The following AFF3 variants were observed in gnomAD, a reference collection of about 807,000 sequenced individuals.
AFF3 encodes AF4/FMR2 family member 3.
In AFF3, 32 loss-of-function variants were observed where a neutral mutation model predicts 129.7. That is an observed-to-expected ratio of 0.25 (90% CI 0.19 to 0.33). AFF3 has a LOEUF of 0.33. Ranked by LOEUF, AFF3 falls within the 10% of genes least tolerant of loss-of-function variation. AFF3 has a pLI of 1.00. For missense variants in AFF3, 1,373 were observed against 1,592.0 expected (o/e 0.86, Z 2.34); for synonymous variants, 644 against 635.4 (o/e 1.01, Z -0.20).
At chr2:99,841,957 G>A (rs569318340) in intron 7 of AFF3, among the ~76,000 whole-genome samples, 1 of 152,186 alleles carries the variant, frequency 6.6e-6, no homozygotes, top group African/African-American at 2.4e-5. Flanking sequence ...CCTTTTCCAC[G>A]TGGCACATTA....
At position 99,947,593 on chromosome 2, in the gene AFF3, AAGAAAGAAAGATAGAT is replaced by A. The variant is rs1302366329; in HGVS notation, c.873+59023_873+59038del. On this transcript the variant is annotated intron_variant, in intron 7 of 24. Transcript: ENST00000672756. ...AGAAAGAAAAGAAAAGAAAGAAAGA[AAGAAAGAAAGATAGAT>A]AGATAGATAGATAGATAGATAGATA... Among the ~76,000 whole-genome samples the A allele has an allele frequency of 1.6e-3, 218 of 140,264 alleles. 2 individuals carry two copies. In the East Asian group the frequency reaches 0.036, roughly 23 times the overall value. The allele number at this position is 140,264 out of a possible 152,430, so 92.0% of individuals were successfully genotyped here.
At chr2:99,883,271 T>C (rs906369298) in intron 7 of AFF3, among the ~76,000 whole-genome samples, 4 of 152,144 alleles carry the variant, frequency 2.6e-5, no homozygotes, top group African/African-American at 4.8e-5. Context: ...ATAAAACCTT[T>C]CAAGTATAAA....
intron 8 of AFF3, among the ~76,000 whole-genome samples, chr2:99,798,696 G>A (rs1340132892): frequency 1.3e-5 from 2 of 151,940 alleles, no homozygotes; most frequent in African/African-American, 4.8e-5. Context: ...AACGCAGCCA[G>A]GGATAAAGAA....
intron 13 of AFF3, among the ~76,000 whole-genome samples, chr2:99,615,080 C>T (rs549620725): frequency 4.6e-5 from 7 of 152,322 alleles, no homozygotes; most frequent in Admixed American, 1.3e-4. Flanking sequence ...GCTGTCTTCT[C>T]TGGACCCAGG....
chr2:99,960,655 C>G (rs1461374576), intron 7 of AFF3, among the ~76,000 whole-genome samples: 1 of 152,208 alleles, frequency 6.6e-6, no homozygotes, highest in African/African-American at 2.4e-5. Flanking sequence ...TCTGCTCTTT[C>G]TTCTTTGCCT....
chr2:99,831,527 C>T (rs754639722), intron 8 of AFF3, among the ~76,000 whole-genome samples: 12 of 152,174 alleles, frequency 7.9e-5, no homozygotes, highest in Non-Finnish European at 7.3e-5. Flanking sequence ...GGAATTTACA[C>T]ATTTGAAGGT....
intron 7 of AFF3, among the ~76,000 whole-genome samples, chr2:99,959,144 C>T (rs761303580): frequency 6.6e-6 from 1 of 151,874 alleles, no homozygotes; most frequent in Non-Finnish European, 1.5e-5. Context: ...GCTGAGCAGG[C>T]AAAGACCAAA....
chr2:100,053,963 A>T (rs985273004), intron 4 of AFF3, among the ~76,000 whole-genome samples: 1 of 152,112 alleles, frequency 6.6e-6, no homozygotes, highest in African/African-American at 2.4e-5. Flanking sequence ...CTTCAAAATC[A>T]AGCACCACAC....
chr2:100,105,798 G>A (rs1458671196), intron 2 of AFF3: 3 of 1,353,464 alleles, frequency 2.2e-6, no homozygotes, highest in Admixed American at 4.5e-5. Context: ...CACAGCTCCG[G>A]ATTCTCACCA....
chr2:100,056,061 TCTCACACACACACA>T (rs1157384909), intron 4 of AFF3, among the ~76,000 whole-genome samples: 22 of 133,536 alleles, frequency 1.6e-4, no homozygotes, highest in South Asian at 2.6e-4. Flanking sequence ...GCTGTCTCTC[TCTCACACACACACA>T]CACACACACA....
rs569994065 is a variant in AFF3, at chr2:100,050,943, A to G, written c.54-42011T>C. Among the ~76,000 whole-genome samples, 311 of 152,322 alleles carry G rather than the reference A, an allele frequency of 2.0e-3. 1 individual carries two copies. Among genetic ancestry groups the G allele is most frequent in the Non-Finnish European group, 3.5e-3 (241 of 68,026 alleles). On this transcript the variant is annotated intron_variant, in intron 4 of 24. Coordinates refer to ENST00000672756, the MANE Select transcript of AFF3 (RefSeq NM_001386135.1). The stretch of plus-strand genomic sequence containing the variant: ...AGAAGACCTGCCAGAAGAATGCCAC[A>G]TTCCAGGTTCCCTGTCTCCCATCCT...
intron 11 of AFF3, among the ~76,000 whole-genome samples, chr2:99,697,673 T>C (rs1411261416): frequency 4.6e-5 from 7 of 152,260 alleles, no homozygotes; most frequent in Non-Finnish European, 8.8e-5. Context: ...TTTTAGGGTC[T>C]GACATCTCTG....
intron 8 of AFF3, among the ~76,000 whole-genome samples, chr2:99,787,137 AT>A (rs1255622111): frequency 6.6e-6 from 1 of 152,086 alleles, no homozygotes; most frequent in Non-Finnish European, 1.5e-5. Flanking sequence ...TCTCTCAAAG[AT>A]TTTGCTCTAA....
chr2:100,098,471 T>C (rs1204042869), intron 4 of AFF3, among the ~76,000 whole-genome samples: 1 of 148,844 alleles, frequency 6.7e-6, no homozygotes, highest in Non-Finnish European at 1.5e-5. Flanking sequence ...GAGGTTTTTT[T>C]TTCTTAATTT....
chr2:99,657,780 T>C (rs760889588), intron 12 of AFF3, among the ~76,000 whole-genome samples: 7 of 152,212 alleles, frequency 4.6e-5, no homozygotes, highest in East Asian at 1.9e-4. Context: ...GAGCACCTAG[T>C]ATATCCTGAG....
At chr2:100,056,595 A>G (rs1411063472) in intron 4 of AFF3, among the ~76,000 whole-genome samples, 4 of 152,062 alleles carry the variant, frequency 2.6e-5, no homozygotes, top group African/African-American at 9.7e-5. Context: ...TATCTCTTCT[A>G]TCTTGGGTTT....
chr2:99,786,470 T>TAAAAC (rs1181391109), intron 8 of AFF3, among the ~76,000 whole-genome samples: 3 of 152,338 alleles, frequency 2.0e-5, no homozygotes, highest in Non-Finnish European at 4.4e-5. Context: ...AGTTCACCTT[T>TAAAAC]AAAACAACAG....
chr2:100,004,777 C>A (rs915509056), intron 7 of AFF3, among the ~76,000 whole-genome samples: 1 of 151,866 alleles, frequency 6.6e-6, no homozygotes, highest in African/African-American at 2.4e-5. Context: ...ATTAAACAGA[C>A]AAGTGTTATA....
At chr2:99,860,335 C>T (rs1336219588) in intron 7 of AFF3, among the ~76,000 whole-genome samples, 4 of 151,948 alleles carry the variant, frequency 2.6e-5, no homozygotes, top group African/African-American at 7.3e-5. Flanking sequence ...GGGCAGATCA[C>T]GAGGTCAGGA....
Sources: allele counts gnomAD v4.1 joint callset (sites outside exome capture counted in the v4.1 genomes callset), GRCh38; gene constraint gnomAD v4.1.1; transcripts MANE v1.5; gene names NCBI Gene and HGNC (gene_info 2026-07-23, HGNC 2026-07-21).